The following DLG2 variants were observed in gnomAD, a reference collection of about 807,000 sequenced individuals.
DLG2 encodes the protein disks large homolog 2.
A neutral mutation model predicts 132.5 loss-of-function variants in DLG2; 45 were observed. The observed-to-expected ratio is 0.34, with a 90% CI of 0.27 to 0.44. The LOEUF is 0.44. Among genes scored for constraint, DLG2 ranks in the 20% least tolerant of loss-of-function variants. The pLI is 1.00. For synonymous variants in DLG2, 424 were observed against 419.6 expected (o/e 1.01, Z -0.13); for missense variants, 1,045 against 1,196.9 (o/e 0.87, Z 1.87).
intron 6 of DLG2, among the ~76,000 whole-genome samples, chr11:84,928,652 G>T (rs1048735453): frequency 3.3e-5 from 5 of 151,720 alleles, no homozygotes; most frequent in Non-Finnish European, 7.4e-5. Context: ...CCATAAAGAG[G>T]ATTCTCAGAA....
At chr11:85,246,601 T>A (rs922806738) in intron 4 of DLG2, among the ~76,000 whole-genome samples, 1 of 148,002 alleles carries the variant, frequency 6.8e-6, no homozygotes, top group Non-Finnish European at 1.5e-5. Context: ...AACTACTAGA[T>A]AAAATAAGGA....
chr11:85,545,811 T>C (rs1409401427), intron 3 of DLG2, among the ~76,000 whole-genome samples: 2 of 152,222 alleles, frequency 1.3e-5, no homozygotes, highest in Non-Finnish European at 2.9e-5. Context: ...TGGTAGTTTG[T>C]ATTTCTGTGG....
At chr11:83,477,693 G>C (rs531291805) in intron 22 of DLG2, among the ~76,000 whole-genome samples, 2 of 151,974 alleles carry the variant, frequency 1.3e-5, no homozygotes, top group African/African-American at 4.8e-5. Context: ...ATATGGAATG[G>C]TAAAGTATAA....
At chr11:84,835,435 T>G (rs1453011418) in intron 6 of DLG2, among the ~76,000 whole-genome samples, 1 of 151,716 alleles carries the variant, frequency 6.6e-6, no homozygotes, top group Non-Finnish European at 1.5e-5. Flanking sequence ...AATATTTTCT[T>G]CATAGGGCTA....
chr11:84,525,416 A>T (rs145751315), intron 7 of DLG2, among the ~76,000 whole-genome samples: 16 of 152,152 alleles, frequency 1.1e-4, no homozygotes, highest in South Asian at 6.2e-4. Flanking sequence ...AAAAATTGTA[A>T]ATTATCTTCT....
intron 6 of DLG2, among the ~76,000 whole-genome samples, chr11:84,624,548 G>T (rs2154542776): frequency 6.6e-6 from 1 of 151,940 alleles, no homozygotes; most frequent in Non-Finnish European, 1.5e-5. Flanking sequence ...AGCATTTATT[G>T]CTCAGGTACT....
intron 18 of DLG2, among the ~76,000 whole-genome samples, chr11:83,634,302 A>G (rs2064225833): frequency 6.6e-6 from 1 of 152,134 alleles, no homozygotes; most frequent in South Asian, 2.1e-4. Flanking sequence ...TGGCATGTCA[A>G]CCCAATAAAG....
At chr11:85,625,746 T>C (rs1161020254) in intron 2 of DLG2, among the ~76,000 whole-genome samples, 2 of 152,238 alleles carry the variant, frequency 1.3e-5, no homozygotes, top group African/African-American at 4.8e-5. Context: ...GCTGTTCATA[T>C]AAGTTTTGAT....
At chr11:84,281,714 C>A (rs534519959) in intron 7 of DLG2, among the ~76,000 whole-genome samples, 80 of 150,864 alleles carry the variant, frequency 5.3e-4, no homozygotes, top group African/African-American at 1.8e-3. Context: ...AAGATTTAAA[C>A]AGACACTTCA....
At chr11:85,254,975 G>A (rs1474434304) in intron 4 of DLG2, among the ~76,000 whole-genome samples, 1 of 150,518 alleles carries the variant, frequency 6.6e-6, no homozygotes, top group African/African-American at 2.4e-5. Flanking sequence ...CTCCAGCCTG[G>A]GCAACAGAGC....
chr11:84,590,126 G>T (rs1446026798), intron 6 of DLG2, among the ~76,000 whole-genome samples: 1 of 152,200 alleles, frequency 6.6e-6, no homozygotes, highest in African/African-American at 2.4e-5. Context: ...GCAATAGTAA[G>T]CATCTAGGTT....
chr11:83,585,295 G>C (rs1171360263), intron 19 of DLG2, among the ~76,000 whole-genome samples: 1 of 152,046 alleles, frequency 6.6e-6, no homozygotes, highest in Non-Finnish European at 1.5e-5. Flanking sequence ...CATTGATCTG[G>C]GCATAACTAA....
Position 83,833,582 on chromosome 11 carries a change from G to A in DLG2, c.1722+32C>T, listed in dbSNP as rs529101956. On this transcript the variant is annotated intron_variant, in intron 17 of 27. Coordinates refer to ENST00000376104, the MANE Select transcript of DLG2 (RefSeq NM_001142699.3). ...CTTTTTCATTGATGGCGTCAGATAT[G>A]GAGGGAATAAAGATTAAAGAAACAT... The A allele has an allele frequency of 4.9e-5, 78 of 1,584,986 alleles. No individual in the cohort carries two copies. The Middle Eastern group carries it at 5.1e-4, about 10-fold the overall frequency.
At chr11:85,404,792 C>A (rs190240301) in intron 3 of DLG2, among the ~76,000 whole-genome samples, 5 of 152,040 alleles carry the variant, frequency 3.3e-5, no homozygotes, top group East Asian at 3.9e-4. Flanking sequence ...GACTCTTAAC[C>A]CTCAAAACAT....
At chr11:83,788,182 A>G (rs2040532186) in intron 17 of DLG2, among the ~76,000 whole-genome samples, 1 of 152,190 alleles carries the variant, frequency 6.6e-6, no homozygotes, top group Non-Finnish European at 1.5e-5. Flanking sequence ...TGAGAATGAC[A>G]TTGGGTGGCA....
chr11:84,980,937 T>C (rs2055646475), intron 6 of DLG2, among the ~76,000 whole-genome samples: 1 of 152,194 alleles, frequency 6.6e-6, no homozygotes, highest in Non-Finnish European at 1.5e-5. Context: ...CTGGTTATAT[T>C]GGGGCATATG....
chr11:84,377,797 G>A (rs537950887), intron 7 of DLG2, among the ~76,000 whole-genome samples: 1 of 152,090 alleles, frequency 6.6e-6, no homozygotes, highest in African/African-American at 2.4e-5. Flanking sequence ...TGAACAGAAA[G>A]TATGGGAAAT....
intron 6 of DLG2, among the ~76,000 whole-genome samples, chr11:84,956,281 A>G (rs2051652174): frequency 2.6e-5 from 4 of 152,336 alleles, no homozygotes; most frequent in African/African-American, 9.6e-5. Flanking sequence ...TCAAAGAGAG[A>G]AGCAATACCA....
intron 6 of DLG2, among the ~76,000 whole-genome samples, chr11:84,707,766 T>C (rs1199241187): frequency 6.6e-6 from 1 of 151,870 alleles, no homozygotes; most frequent in Non-Finnish European, 1.5e-5. Context: ...ATGTATACTC[T>C]GGCTTTCAAG....
Sources: allele counts gnomAD v4.1 joint callset (sites outside exome capture counted in the v4.1 genomes callset), GRCh38; gene constraint gnomAD v4.1.1; transcripts MANE v1.5; gene names NCBI Gene and HGNC (gene_info 2026-07-23, HGNC 2026-07-21).